Variants in CCDC171 observed in about 807,000 individuals in gnomAD.
CCDC171 encodes coiled-coil domain-containing protein 171.
CCDC171 carries 177 observed loss-of-function variants against 168.2 expected under a neutral mutation model. That is an observed-to-expected ratio of 1.05 (90% confidence interval 0.93 to 1.19). The LOEUF (loss-of-function observed/expected upper bound fraction) is 1.19. Ranked by LOEUF, CCDC171 falls within the 50% of genes most tolerant of loss-of-function variation. CCDC171 has a pLI of 0.00. For missense variants in CCDC171, 1,991 were observed against 1,539.0 expected (o/e 1.29, Z -4.91); for synonymous variants, 687 against 540.8 (o/e 1.27, Z -3.75).
At chr9:15,601,362 A>G (rs1430452029) in intron 6 of CCDC171, among the ~76,000 whole-genome samples, 1 of 152,210 alleles carries the variant, frequency 6.6e-6, no homozygotes, top group East Asian at 1.9e-4. Context: ...TATTGAAAAT[A>G]CCAATGAAAC....
chr9:15,611,152 G>C (rs774974307), intron 6 of CCDC171, among the ~76,000 whole-genome samples: 1 of 152,048 alleles, frequency 6.6e-6, no homozygotes, highest in Non-Finnish European at 1.5e-5. Context: ...GCCATGTGAC[G>C]TGCCTGCTCC....
intron 6 of CCDC171, among the ~76,000 whole-genome samples, chr9:15,597,067 G>T (rs1199296266): frequency 1.3e-5 from 2 of 152,018 alleles, no homozygotes; most frequent in African/African-American, 4.8e-5. Flanking sequence ...GGGTTTTCTA[G>T]TTATACAATC....
the CCDC171 span, among the ~76,000 whole-genome samples, chr9:16,076,565 G>T: frequency 1.3e-5 from 2 of 152,082 alleles, no homozygotes; most frequent in Non-Finnish European, 1.5e-5. Context: ...TATCCCTAGG[G>T]TCCCATGCTT....
intron 16 of CCDC171, among the ~76,000 whole-genome samples, chr9:15,740,735 C>T (rs753873370): frequency 2.0e-5 from 3 of 152,240 alleles, no homozygotes; most frequent in East Asian, 1.9e-4. Flanking sequence ...CCACCGTGCC[C>T]GGCCTTAATT....
intron 12 of CCDC171, among the ~76,000 whole-genome samples, chr9:15,722,681 T>C (rs1167428156): frequency 1.3e-5 from 2 of 152,216 alleles, no homozygotes; most frequent in African/African-American, 4.8e-5. Flanking sequence ...ATAATATAAA[T>C]GCCATAAAAC....
intron 11 of CCDC171, among the ~76,000 whole-genome samples, chr9:15,720,146 A>G (rs554378251): frequency 1.1e-4 from 17 of 151,216 alleles, no homozygotes; most frequent in Non-Finnish European, 1.9e-4. Flanking sequence ...TTATACCTTG[A>G]TAAATGTCAT....
intron 25 of CCDC171, among the ~76,000 whole-genome samples, chr9:15,958,114 C>T (rs796634793): frequency 3.3e-5 from 5 of 150,672 alleles, no homozygotes; most frequent in African/African-American, 4.9e-5. Context: ...ACTCACTCAT[C>T]CATTCATTCA....
rs35687141 is a variant in CCDC171 at position 15,604,095 on chromosome 9, G to GTT, written c.675+9933_675+9934dup. Among the ~76,000 whole-genome samples, 184 of 145,788 alleles carry GTT rather than the reference G, an allele frequency of 1.3e-3. 1 individual carries two copies. Among genetic ancestry groups the GTT allele is most frequent in the South Asian group, 5.6e-3 (26 of 4,660 alleles). On this transcript the variant is annotated intron_variant, in intron 6 of 25. Coordinates refer to ENST00000380701, the MANE Select transcript of CCDC171 (RefSeq NM_173550.4). The stretch of plus-strand genomic sequence containing the variant: ...TATGTCCTTTGCCCACTTTTTGATG[G>GTT]TTTTTTTTTTTCTTGTAGATTTGTT...
chr9:15,628,302 G>C (rs566692172), intron 7 of CCDC171, among the ~76,000 whole-genome samples: 15 of 152,164 alleles, frequency 9.9e-5, no homozygotes, highest in Non-Finnish European at 1.5e-4. Context: ...GGTGGCACCT[G>C]GAAAATCGGG....
intron 18 of CCDC171, among the ~76,000 whole-genome samples, chr9:15,747,222 A>G (rs1479725513): frequency 6.6e-6 from 1 of 152,226 alleles, no homozygotes; most frequent in African/African-American, 2.4e-5. Flanking sequence ...GATGGGGCAT[A>G]TCTGATCAAA....
intron 24 of CCDC171, among the ~76,000 whole-genome samples, chr9:15,891,919 G>T (rs1307132074): frequency 6.6e-6 from 1 of 152,098 alleles, no homozygotes; most frequent in Non-Finnish European, 1.5e-5. Context: ...TATGCTGGGA[G>T]CCTATGGGAC....
intron 3 of CCDC171, among the ~76,000 whole-genome samples, chr9:15,999,426 G>A (rs143724337): frequency 3.9e-3 from 587 of 151,742 alleles, no homozygotes; most frequent in African/African-American, 0.013. Context: ...CAGGGAGGGA[G>A]GGAGGGAGAG....
At chr9:15,686,845 G>T (rs928034220) in intron 10 of CCDC171, among the ~76,000 whole-genome samples, 5 of 152,148 alleles carry the variant, frequency 3.3e-5, no homozygotes, top group African/African-American at 1.2e-4. Context: ...GTAATGGGTA[G>T]AACAATGAGG....
In CCDC171 at chr9:15,928,339, G is replaced by A. The variant is rs564716913; in HGVS notation, c.3753+7917G>A. Among the ~76,000 whole-genome samples, 19 of 151,766 alleles carry A rather than the reference G, an allele frequency of 1.3e-4. No individual in the cohort carries two copies. The East Asian group carries it at 3.5e-3, about 28-fold the overall frequency. ...CTCAGTTGAAAAAAATGAAGATTAC[G>A]TCGGAGTTGACATGAGAAAGCATGG... On this transcript the variant is annotated intron_variant, in intron 25 of 25. Coordinates refer to ENST00000380701, the MANE Select transcript of CCDC171 (RefSeq NM_173550.4).
chr9:15,653,425 A>G (rs1228697464), intron 7 of CCDC171, among the ~76,000 whole-genome samples: 1 of 152,044 alleles, frequency 6.6e-6, no homozygotes, highest in Non-Finnish European at 1.5e-5. Context: ...TACAAGTGTG[A>G]GCCACTGTGC....
At chr9:15,940,446 T>C (rs1220539933) in intron 25 of CCDC171, among the ~76,000 whole-genome samples, 3 of 151,930 alleles carry the variant, frequency 2.0e-5, no homozygotes, top group Non-Finnish European at 4.4e-5. Context: ...TAAGGAAGGA[T>C]ATACACAATA....
intron 22 of CCDC171, among the ~76,000 whole-genome samples, chr9:15,848,172 T>C (rs183432341): frequency 2.1e-4 from 32 of 152,108 alleles, no homozygotes; most frequent in Non-Finnish European, 4.3e-4. Flanking sequence ...TGTTTTGACA[T>C]GTCTATGATC....
chr9:15,611,247 T>A (rs2043664722), intron 6 of CCDC171, among the ~76,000 whole-genome samples: 1 of 152,194 alleles, frequency 6.6e-6, no homozygotes. Context: ...CTGTACAGCC[T>A]GCAGAACTGT....
intron 3 of CCDC171, among the ~76,000 whole-genome samples, chr9:15,576,958 C>G (rs1232342674): frequency 6.6e-6 from 1 of 152,202 alleles, no homozygotes; most frequent in Non-Finnish European, 1.5e-5. Flanking sequence ...AGGCTGGTTA[C>G]CTCAGTCAGA....
Sources: gnomAD v4.1 joint callset for allele counts (sites outside exome capture counted in the v4.1 genomes callset) on GRCh38, gnomAD v4.1.1 for gene constraint, MANE v1.5 for transcripts, NCBI Gene and HGNC (gene_info 2026-07-23, HGNC 2026-07-21) for gene names.